Variants in SORCS3 observed in about 807,000 individuals in gnomAD.
The protein encoded by SORCS3 is VPS10 domain-containing receptor SorCS3.
SORCS3 carries 57 observed loss-of-function variants against 146.3 expected under a neutral mutation model. The ratio of observed to expected loss-of-function variants is 0.39; its 90% CI spans 0.31 to 0.49. The LOEUF is 0.49. SORCS3 is among the 20% of genes least tolerant of loss of function. The probability of loss-of-function intolerance (pLI) is 0.92; values close to 1 mark genes in which losing one functional copy is unlikely to be tolerated. For missense variants in SORCS3, 1,341 were observed against 1,575.5 expected, an observed-to-expected ratio of 0.85 and a Z score of 2.52; for synonymous variants, 653 against 618.5, an observed-to-expected ratio of 1.06 and a Z score of -0.83.
At chr10:105,206,731 T>C (rs2056604979) in intron 16 of SORCS3, among the ~76,000 whole-genome samples, 2 of 152,210 alleles carry the variant, frequency 1.3e-5, no homozygotes, top group African/African-American at 4.8e-5. Flanking sequence ...GCTTATGTCT[T>C]AGCTAAATGA....
chr10:105,105,581 A>G (rs1217850659), intron 7 of SORCS3, 66 bp downstream of exon 7: 2 of 1,136,398 alleles, frequency 1.8e-6, no homozygotes, highest in African/African-American at 3.1e-5. Context: ...CTGCTAGGAA[A>G]AGGAGGGTGG....
At chr10:105,251,213 TCA>T (rs2056896023) in intron 22 of SORCS3, among the ~76,000 whole-genome samples, 1 of 152,136 alleles carries the variant, frequency 6.6e-6, no homozygotes, top group African/African-American at 2.4e-5. Flanking sequence ...AGGCACCCCT[TCA>T]CAGGGTGACA....
At chr10:105,059,094 A>G (rs939434446) in intron 5 of SORCS3, among the ~76,000 whole-genome samples, 1 of 152,150 alleles carries the variant, frequency 6.6e-6, no homozygotes, top group African/African-American at 2.4e-5. Context: ...TGTACACTAG[A>G]TTTTGAGAAC....
At chr10:105,025,623 T>G (rs1348260565) in intron 4 of SORCS3, among the ~76,000 whole-genome samples, 1 of 152,128 alleles carries the variant, frequency 6.6e-6, no homozygotes, top group African/African-American at 2.4e-5. Flanking sequence ...GAGCATTGCC[T>G]GGCATTTTCT....
At chr10:104,924,900 A>AT (rs1554860108) in intron 3 of SORCS3, among the ~76,000 whole-genome samples, 1 of 150,910 alleles carries the variant, frequency 6.6e-6, no homozygotes, top group Non-Finnish European at 1.5e-5. Context: ...AAATGCTTTA[A>AT]TTTTTTTAAA....
chr10:104,773,811 A>G (rs1017210609), intron 1 of SORCS3, among the ~76,000 whole-genome samples: 1 of 152,160 alleles, frequency 6.6e-6, no homozygotes, highest in African/African-American at 2.4e-5. Context: ...GGTTTCCTCC[A>G]CCTCTGTTAT....
At chr10:105,194,130 G>A (rs2056532163) in intron 14 of SORCS3, among the ~76,000 whole-genome samples, 2 of 152,058 alleles carry the variant, frequency 1.3e-5, no homozygotes, top group Non-Finnish European at 2.9e-5. Context: ...AAACCAAAGG[G>A]TAGGCTACCT....
At chr10:105,151,970 G>A (rs903416396) in intron 9 of SORCS3, among the ~76,000 whole-genome samples, 7 of 152,148 alleles carry the variant, frequency 4.6e-5, no homozygotes, top group Admixed American at 4.6e-4. Context: ...GTAGCCTATT[G>A]TGTGTACTTA....
At chr10:104,905,125 GT>G (rs1384009238) in intron 2 of SORCS3, among the ~76,000 whole-genome samples, 1 of 152,214 alleles carries the variant, frequency 6.6e-6, no homozygotes, top group Non-Finnish European at 1.5e-5. Context: ...AGAACAGTCA[GT>G]GTAGAATGTA....
At chr10:105,011,056 C>A (rs1012617760) in intron 4 of SORCS3, among the ~76,000 whole-genome samples, 8 of 152,134 alleles carry the variant, frequency 5.3e-5, no homozygotes, top group Middle Eastern at 3.2e-3. Context: ...TGATGTAACA[C>A]TTTGTGGATG....
chr10:105,208,159 G>A (rs932515332), intron 16 of SORCS3, among the ~76,000 whole-genome samples: 3 of 151,996 alleles, frequency 2.0e-5, no homozygotes, highest in South Asian at 4.1e-4. Flanking sequence ...CTGGCCAAAC[G>A]GCAAAACCCC....
chr10:104,841,206 G>A (rs1241209789), intron 1 of SORCS3, among the ~76,000 whole-genome samples: 1 of 152,114 alleles, frequency 6.6e-6, no homozygotes, highest in Non-Finnish European at 1.5e-5. Context: ...TGAATGGGAG[G>A]GGCAAAGACC....
intron 2 of SORCS3, among the ~76,000 whole-genome samples, chr10:104,853,263 C>T (rs575327988): frequency 6.6e-6 from 1 of 152,332 alleles, no homozygotes; most frequent in South Asian, 2.1e-4. Context: ...TGCACCACTG[C>T]ACTCCAGCCT....
chr10:105,048,113 G>T (rs1020560909), intron 5 of SORCS3, among the ~76,000 whole-genome samples: 1 of 151,782 alleles, frequency 6.6e-6, no homozygotes, highest in African/African-American at 2.4e-5. Context: ...AACCATTGTG[G>T]AAGTCAGTGT....
chr10:105,019,284 A>T (rs1327523116), intron 4 of SORCS3, among the ~76,000 whole-genome samples: 1 of 152,166 alleles, frequency 6.6e-6, no homozygotes, highest in Non-Finnish European at 1.5e-5. Flanking sequence ...TCATTAAATC[A>T]GTTTGTGCTA....
chr10:104,791,385 GT>G (rs1045782826), intron 1 of SORCS3, among the ~76,000 whole-genome samples: 1 of 152,174 alleles, frequency 6.6e-6, no homozygotes, highest in African/African-American at 2.4e-5. Flanking sequence ...GTGCAGGTTG[GT>G]TAGAGCTGGA....
chr10:105,170,652 A>G (rs746906174), intron 13 of SORCS3, among the ~76,000 whole-genome samples: 2 of 152,208 alleles, frequency 1.3e-5, no homozygotes, highest in East Asian at 1.9e-4. Flanking sequence ...TTGCCTTTCT[A>G]TGAATGCCAT....
intron 5 of SORCS3, among the ~76,000 whole-genome samples, chr10:105,067,715 C>T (rs1018948617): frequency 6.6e-6 from 1 of 152,194 alleles, no homozygotes; most frequent in African/African-American, 2.4e-5. Context: ...CATCAGGCAC[C>T]TCCTAATGGC....
intron 1 of SORCS3, among the ~76,000 whole-genome samples, chr10:104,740,674 T>A (rs1053192202): frequency 1.3e-5 from 2 of 152,234 alleles, no homozygotes; most frequent in African/African-American, 2.4e-5. Context: ...TTAACATTCA[T>A]TGCACAGAGG....
Sources: allele counts gnomAD v4.1 joint callset (sites outside exome capture counted in the v4.1 genomes callset), GRCh38; gene constraint gnomAD v4.1.1; transcripts MANE v1.5; gene names NCBI Gene and HGNC (gene_info 2026-07-23, HGNC 2026-07-21).